SPATA7: variants seen among roughly 807,000 people sequenced by gnomAD.
SPATA7 encodes spermatogenesis-associated protein 7.
A neutral mutation model predicts 51.8 loss-of-function variants in SPATA7; 43 were observed. That is an observed-to-expected ratio of 0.83 (90% CI 0.65 to 1.07). The LOEUF (loss-of-function observed/expected upper bound fraction) is 1.07. Among genes scored for constraint, SPATA7 ranks in the 50% least tolerant of loss-of-function variants. SPATA7 has a pLI of 0.00. For synonymous variants in SPATA7, 230 were observed against 252.8 expected (o/e 0.91, Z 0.86); for missense variants, 683 against 701.3 (o/e 0.97, Z 0.30).
At chr14:88,432,422 T>TA (rs1322505918) in intron 9 of SPATA7, among the ~76,000 whole-genome samples, 4 of 152,194 alleles carry the variant, frequency 2.6e-5, no homozygotes, top group Non-Finnish European at 5.9e-5. Flanking sequence ...CATTTGGTAT[T>TA]AATTCACTAA....
At chr14:88,416,588 G>T in intron 4 of SPATA7, 123 bp from the exon 5 acceptor site, 3 of 932,560 alleles carry the variant, frequency 3.2e-6, no homozygotes, top group Admixed American at 2.4e-5. Context: ...GAAAATAAAT[G>T]GATTTTTATT....
At chr14:88,396,106 T>C in intron 3 of SPATA7, 50 bp from the exon 4 acceptor site, 1 of 1,461,810 alleles carries the variant, frequency 6.8e-7, no homozygotes, top group East Asian at 2.3e-5. Flanking sequence ...TTGGTATTTG[T>C]CATTTATAAA....
downstream of SPATA7, among the ~76,000 whole-genome samples, chr14:88,441,759 TG>T (rs2077179819): frequency 6.6e-6 from 1 of 152,226 alleles, no homozygotes; most frequent in South Asian, 2.1e-4. Flanking sequence ...CTTTGTCAGA[TG>T]TATAGATTGC....
At chr14:88,393,626 A>T in intron 3 of SPATA7, 138 bp downstream of exon 3, 2 of 710,748 alleles carry the variant, frequency 2.8e-6, no homozygotes, top group South Asian at 3.6e-5. Context: ...GTGTGATACA[A>T]ACTATTGACT....
chr14:88,466,864 A>G (rs1246256583), intron 4 of SPATA7: 2 of 152,208 alleles, frequency 1.3e-5, no homozygotes, highest in Non-Finnish European at 2.9e-5. Context: ...GGTGAAAACT[A>G]TTATTAACTA....
At chr14:88,452,146 G>A (rs1337439765) in intron 3 of SPATA7, among the ~76,000 whole-genome samples, 1 of 152,104 alleles carries the variant, frequency 6.6e-6, no homozygotes, top group Non-Finnish European at 1.5e-5. Flanking sequence ...TTTTCCCTAG[G>A]GATGGCATGT....
chr14:88,449,248 G>T (rs2077234879), intron 3 of SPATA7, among the ~76,000 whole-genome samples: 1 of 152,014 alleles, frequency 6.6e-6, no homozygotes, highest in Non-Finnish European at 1.5e-5. Flanking sequence ...TATTCCAGAG[G>T]TTCAGATATT....
intron 4 of SPATA7, among the ~76,000 whole-genome samples, chr14:88,403,347 A>T (rs1317812478): frequency 2.0e-5 from 3 of 152,228 alleles, no homozygotes; most frequent in African/African-American, 4.8e-5. Flanking sequence ...TGAAATCAGT[A>T]TGTCAAGGAG....
At chr14:88,451,540 T>G (rs978024683) in intron 3 of SPATA7, among the ~76,000 whole-genome samples, 1 of 150,850 alleles carries the variant, frequency 6.6e-6, no homozygotes, top group Non-Finnish European at 1.5e-5. Flanking sequence ...TTTTTTTTTT[T>G]CTTTGAAAAG....
At chr14:88,427,863 A>C in intron 7 of SPATA7, 167 bp downstream of exon 7, 2 of 575,062 alleles carry the variant, frequency 3.5e-6, no homozygotes, top group Non-Finnish European at 6.3e-6. Flanking sequence ...AAATGGTTAT[A>C]GCTCTCTCTG....
intron 5 of SPATA7, among the ~76,000 whole-genome samples, chr14:88,425,198 C>T (rs2076754671): frequency 6.6e-6 from 1 of 152,046 alleles, no homozygotes; most frequent in African/African-American, 2.4e-5. Context: ...AAAATGAGTA[C>T]AGTACCTTGC....
intron 3 of SPATA7, among the ~76,000 whole-genome samples, chr14:88,395,288 T>A (rs1038173770): frequency 4.0e-5 from 6 of 151,120 alleles, no homozygotes; most frequent in Non-Finnish European, 7.4e-5. Context: ...TAATGTCTTT[T>A]AAATTTTTAT....
At chr14:88,449,961 T>C (rs1437357217) in intron 3 of SPATA7, among the ~76,000 whole-genome samples, 1 of 152,146 alleles carries the variant, frequency 6.6e-6, no homozygotes, top group East Asian at 1.9e-4. Flanking sequence ...CCCACTGGTA[T>C]TTTGTTGGTA....
intron 4 of SPATA7, among the ~76,000 whole-genome samples, chr14:88,401,891 G>GAT (rs2076071217): frequency 7.1e-6 from 1 of 139,982 alleles, no homozygotes; most frequent in Non-Finnish European, 1.5e-5. Flanking sequence ...GTGATGACAT[G>GAT]ATATATATGT....
intron 4 of SPATA7, among the ~76,000 whole-genome samples, chr14:88,414,189 G>T (rs1412571569): frequency 6.6e-6 from 1 of 151,998 alleles, no homozygotes; most frequent in East Asian, 1.9e-4. Context: ...CTCTGGTCCA[G>T]GGCTTTTTAT....
chr14:88,451,487 T>G (rs1382722210), intron 3 of SPATA7, among the ~76,000 whole-genome samples: 2 of 151,878 alleles, frequency 1.3e-5, no homozygotes, highest in African/African-American at 4.8e-5. Flanking sequence ...TTTTTACTTA[T>G]GCTATTTCAC....
At chr14:88,458,647 TC>T (rs1423771805), downstream of SPATA7, among the ~76,000 whole-genome samples, 1 of 152,202 alleles carries the variant, frequency 6.6e-6, no homozygotes, top group East Asian at 1.9e-4. Flanking sequence ...TAGCAGTCTA[TC>T]AATTTTGTTG....
rs1566791001 is a variant in SPATA7, at chr14:88,438,125, A to G, written c.1503A>G (p.Ser501=). The G allele has an allele frequency of 6.2e-7, 1 of 1,614,022 alleles. No individual in the cohort carries two copies. The highest frequency in any genetic ancestry group is 1.3e-5 in the African/African-American group (1 of 75,070). Reference sequence around the variant, plus strand: ...TGCCTATTTATAAATCAAAGCATTCAGAAGGGGTTATAATTCAACAGGTGA... The same window carrying G: ...TGCCTATTTATAAATCAAAGCATTCGGAAGGGGTTATAATTCAACAGGTGA... ...FFMPIYKSKH[S]EGVIIQQVND... is the part of the protein sequence containing the mutation. Residue 501 remains serine, a synonymous_variant, in exon 12 of 12, where the codon TCA becomes TCG. Transcript: ENST00000393545.
chr14:88,446,604 T>C (rs1278883383), intron 3 of SPATA7, among the ~76,000 whole-genome samples: 1 of 152,176 alleles, frequency 6.6e-6, no homozygotes, highest in Non-Finnish European at 1.5e-5. Context: ...CTTTCCTGCT[T>C]TCTCTTGTGG....
Sources: gnomAD v4.1 joint callset for allele counts (sites outside exome capture counted in the v4.1 genomes callset) on GRCh38, gnomAD v4.1.1 for gene constraint, MANE v1.5 for transcripts, NCBI Gene and HGNC (gene_info 2026-07-23, HGNC 2026-07-21) for gene names.